CCDC61: variants seen among roughly 807,000 people sequenced by gnomAD.
CCDC61 encodes the protein coiled-coil domain containing 61.
In CCDC61, 55 loss-of-function variants were observed where a neutral mutation model predicts 63.0. The observed-to-expected ratio is 0.87, with a 90% CI of 0.70 to 1.09. CCDC61 has a LOEUF of 1.09. Ranked by LOEUF, CCDC61 falls within the 50% of genes least tolerant of loss-of-function variation. CCDC61 has a pLI of 0.00. For synonymous variants in CCDC61, 270 were observed against 317.0 expected (o/e 0.85, Z 1.58); for missense variants, 651 against 731.4 (o/e 0.89, Z 1.27).
At chr19:46,001,503 C>T (rs1968591265) in intron 1 of CCDC61, among the ~76,000 whole-genome samples, 2 of 152,184 alleles carry the variant, frequency 1.3e-5, no homozygotes, top group Non-Finnish European at 2.9e-5. Context: ...GGATTACAGG[C>T]GTGAGCCAAC....
chr19:46,011,478 G>C (rs1968827991), intron 5 of CCDC61, among the ~76,000 whole-genome samples: 1 of 152,166 alleles, frequency 6.6e-6, no homozygotes, highest in Non-Finnish European at 1.5e-5. Flanking sequence ...TTTTTCCCTA[G>C]CAAGCATACT....
At chr19:46,003,371 G>A in intron 2 of CCDC61, 48 bp from the exon 3 acceptor site, 1 of 1,564,316 alleles carries the variant, frequency 6.4e-7, no homozygotes, top group Non-Finnish European at 8.8e-7. Flanking sequence ...ATTGCCCTGG[G>A]GCTGGGCAAG....
Position 46,015,365 on chromosome 19 carries a change from G to C in CCDC61, c.783G>C (p.Ser261=). 6.2e-7 allele frequency: 1 copy of C among 1,602,616 alleles called. No homozygotes were observed. Among genetic ancestry groups the C allele is most frequent in the Non-Finnish European group, 8.5e-7 (1 of 1,178,900 alleles). ...LAKELEEAKA[S]ERSLRARLKT... is the part of the protein sequence containing the mutation. ...GGCAGCTCGAGGAGGCGAAGGCATC[G>C]GAGCGGAGCCTGCGCGCCCGGCTGA... is the stretch of plus-strand genomic sequence containing the variant. The change falls in exon 7 of 14, where the codon TCG becomes TCC. Residue 261 remains serine, a synonymous_variant. Transcript: ENST00000595358. This position sits in a 1 kb window ranked among gnomAD's most constrained non-coding sequence, Gnocchi z 5.3.
intron 4 of CCDC61, among the ~76,000 whole-genome samples, chr19:46,007,257 C>A (rs967433976): frequency 6.6e-6 from 1 of 152,074 alleles, no homozygotes; most frequent in African/African-American, 2.4e-5. Flanking sequence ...TCATGTTGCC[C>A]AGGCTGGTCT....
rs1470035257 is a variant in CCDC61, at chr19:46,016,563, T to C, written c.1092-131T>C. 2 of 1,441,836 alleles carry C rather than the reference T, an allele frequency of 1.4e-6. No individual in the cohort carries two copies. Among genetic ancestry groups the C allele is most frequent in the African/African-American group, 2.8e-5 (2 of 70,882 alleles). The allele number at this position is 1,441,836 out of a possible 1,614,324, so 89.3% of individuals were successfully genotyped here. ...CGTCCTACCTCCTCGTCTGTGTTTC[T>C]GCGTGCTTTCCGCTCGTAGGCCTGT... On this transcript the variant is annotated intron_variant, in intron 9 of 13. Coordinates refer to ENST00000595358, the MANE Select transcript of CCDC61 (RefSeq NM_001267723.2). This position sits in a 1 kb window ranked among gnomAD's most constrained non-coding sequence, Gnocchi z 7.2.
rs765146197 is a variant in CCDC61 at position 46,016,200 on chromosome 19, C to T, written c.992C>T (p.Ala331Val). ...GGGAGCCGGGGTCGGGGCCGCCCTGCGCGCCCCTCGCCCTCGCCCACAGGT... is the reference window on the plus strand; with the variant it reads ...GGGAGCCGGGGTCGGGGCCGCCCTGTGCGCCCCTCGCCCTCGCCCACAGGT... ...GRGSRGRGRP[A>V]RPSPSPTGGR... The change falls in exon 8 of 14, where the codon GCG becomes GTG. Residue 331 changes from alanine to valine, a missense_variant. Transcript: ENST00000595358. The surrounding 1 kb of genome is among the most constrained non-coding windows in gnomAD (Gnocchi z 7.2). 39 of 1,390,912 alleles carry T rather than the reference C, an allele frequency of 2.8e-5. No homozygotes were observed. Among genetic ancestry groups the T allele is most frequent in the Admixed American group, 3.4e-5 (1 of 29,042 alleles). The allele number at this position is 1,390,912 out of a possible 1,614,324, so 86.2% of individuals were successfully genotyped here.
In CCDC61 at chr19:46,006,577, C is replaced by A; in HGVS notation, c.250C>A (p.Leu84Met). The change falls in exon 4 of 14, where the codon CTG becomes ATG. Residue 84 changes from leucine to methionine, a missense_variant. Leu to Met is a conservative substitution (Grantham distance 15, BLOSUM62 2). Transcript: ENST00000595358. ...ALTQSSESVTLDLLTYTDLES... is the reference protein window; with the variant it reads ...ALTQSSESVTMDLLTYTDLES... ...CTGACAGAGTAGTGAGTCAGTCACC[C>A]TGGACCTGCTGACCTACACAGACCT... The A allele has an allele frequency of 6.2e-7, 1 of 1,602,248 alleles. No individual in the cohort carries two copies. The highest frequency in any genetic ancestry group is 8.5e-7 in the Non-Finnish European group (1 of 1,172,958).
chr19:46,008,666 C>T (rs965434750), intron 5 of CCDC61, among the ~76,000 whole-genome samples: 2 of 152,198 alleles, frequency 1.3e-5, no homozygotes, highest in Non-Finnish European at 2.9e-5. Flanking sequence ...GCGTTGGCCT[C>T]CCAAAGTGCT....
chr19:46,007,487 A>G (rs1028758391), intron 4 of CCDC61, among the ~76,000 whole-genome samples: 2 of 120,240 alleles, frequency 1.7e-5, no homozygotes, highest in Admixed American at 1.7e-4. Flanking sequence ...TTTATCAGGA[A>G]AAAAAAAAGT....
rs911887837 is a variant in CCDC61, at chr19:46,017,970, G to A, written c.1369-108G>A. On this transcript the variant is annotated intron_variant, in intron 12 of 13. Transcript: ENST00000595358. ...ATAATGAATGGCCAGTAGGTGTCAGGCCTTATTTTTCCCCAAGGTCCTTAG... is the reference window on the plus strand; with the variant it reads ...ATAATGAATGGCCAGTAGGTGTCAGACCTTATTTTTCCCCAAGGTCCTTAG... 6.4e-6 allele frequency: 6 copies of A among 933,016 alleles called. No individual in the cohort carries two copies. In the African/African-American group the frequency reaches 6.7e-5, roughly 10 times the overall value. The allele number at this position is 933,016 out of a possible 1,614,324, so 57.8% of individuals were successfully genotyped here.
At chr19:45,996,775 A>G (rs781761887) in intron 1 of CCDC61, among the ~76,000 whole-genome samples, 3 of 152,160 alleles carry the variant, frequency 2.0e-5, no homozygotes, top group Non-Finnish European at 2.9e-5. Context: ...CTCTGTCTTC[A>G]AAACACATCC....
At chr19:46,011,742 C>T (rs1217904764) in intron 5 of CCDC61, among the ~76,000 whole-genome samples, 2 of 152,216 alleles carry the variant, frequency 1.3e-5, no homozygotes, top group African/African-American at 2.4e-5. Context: ...TCTGGATATG[C>T]ACTCAAATTG....
At chr19:46,006,470 G>A (rs369868358) in intron 3 of CCDC61, 89 bp from the exon 4 acceptor site, 34 of 1,304,402 alleles carry the variant, frequency 2.6e-5, no homozygotes, top group Middle Eastern at 2.0e-4. Flanking sequence ...CCTAGAGAAC[G>A]GGAAGGGCTG....
chr19:46,016,773 C>T lies in CCDC61; in HGVS notation c.1171C>T (p.Pro391Ser). 6.4e-7 allele frequency: 1 copy of T among 1,563,636 alleles called. No homozygotes were observed. The highest frequency in any genetic ancestry group is 8.7e-7 in the Non-Finnish European group (1 of 1,155,204). Residue 391 changes from proline to serine, a missense_variant, in exon 10 of 14, where the codon CCT becomes TCT. Transcript: ENST00000595358. This position sits in a 1 kb window ranked among gnomAD's most constrained non-coding sequence, Gnocchi z 7.2. ...CTCCTGGTCTCGCCAGACCCAGCCC[C>T]CTGCTGCCTTGACTGGCCGAGGGGA... The part of the protein sequence containing the change: ...SVSWSRQTQP[P>S]AALTGRGDAP...
chr19:46,007,144 G>A (rs1488930207), intron 4 of CCDC61, among the ~76,000 whole-genome samples: 1 of 151,572 alleles, frequency 6.6e-6, no homozygotes, highest in Non-Finnish European at 1.5e-5. Context: ...TCCCTCCCAG[G>A]TTCAAGCAAT....
chr19:46,004,944 T>C (rs991167023), intron 3 of CCDC61, among the ~76,000 whole-genome samples: 1 of 150,232 alleles, frequency 6.7e-6, no homozygotes, highest in Admixed American at 6.7e-5. Context: ...GTTCAAGTGA[T>C]TCTCATGCCT....
intron 5 of CCDC61, among the ~76,000 whole-genome samples, chr19:46,013,673 C>CAGGAG (rs1968870368): frequency 6.6e-6 from 1 of 151,860 alleles, no homozygotes. Context: ...TTGAGACCAT[C>CAGGAG]TTGGCCAACA....
In CCDC61 at chr19:46,015,999, G is replaced by C; in HGVS notation, c.846-55G>C. ...GAAGGTGCGGTCGGGGAGGAGTCTCGCGATTGAGTTTGTCGGGGCGGGCGG... is the reference window on the plus strand; with the variant it reads ...GAAGGTGCGGTCGGGGAGGAGTCTCCCGATTGAGTTTGTCGGGGCGGGCGG... On this transcript the variant is annotated intron_variant, in intron 7 of 13. Transcript: ENST00000595358. This position sits in a 1 kb window ranked among gnomAD's most constrained non-coding sequence, Gnocchi z 5.3. 1 of 1,229,852 alleles carries C rather than the reference G, an allele frequency of 8.1e-7. No individual in the cohort carries two copies. Among genetic ancestry groups the C allele is most frequent in the Non-Finnish European group, 1.0e-6 (1 of 986,880 alleles). The allele number at this position is 1,229,852 out of a possible 1,614,324, so 76.2% of individuals were successfully genotyped here. A position where few individuals can be genotyped will look rare whatever the true frequency, so the allele number is the denominator to read the frequency against.
rs1422028872 is a variant in CCDC61, at chr19:46,018,063, C to T, written c.1369-15C>T. The stretch of plus-strand genomic sequence containing the variant: ...GACGGTGGGTGACCCCCTTTCCTAC[C>T]TTCCCCATCACCAGAAGTCTCCCCC... On this transcript the variant is annotated splice_polypyrimidine_tract_variant and intron_variant, in intron 12 of 13. Transcript: ENST00000595358. The surrounding 1 kb of genome is among the most constrained non-coding windows in gnomAD (Gnocchi z 4.2). The T allele has an allele frequency of 1.2e-5, 19 of 1,603,804 alleles. No homozygotes were observed. The highest frequency in any genetic ancestry group is 1.6e-5 in the Non-Finnish European group (19 of 1,175,458).
Sources: allele counts gnomAD v4.1 joint callset (sites outside exome capture counted in the v4.1 genomes callset), GRCh38; gene constraint gnomAD v4.1.1; non-coding constraint Gnocchi (gnomAD v3.1); transcripts MANE v1.5; gene names NCBI Gene and HGNC (gene_info 2026-07-23, HGNC 2026-07-21).